Variants in FGD5 observed in about 807,000 individuals in gnomAD.
The protein encoded by FGD5 is FYVE, RhoGEF and PH domain-containing protein 5.
FGD5 carries 28 observed loss-of-function variants against 133.4 expected under a neutral mutation model. That is an observed-to-expected ratio of 0.21 (90% CI 0.16 to 0.29). FGD5 has a LOEUF of 0.29. Among genes scored for constraint, FGD5 ranks in the 10% least tolerant of loss-of-function variants. FGD5 has a pLI of 1.00. For missense variants in FGD5, 1,858 were observed against 1,895.2 expected, an observed-to-expected ratio of 0.98 and a Z score of 0.36; for synonymous variants, 810 against 776.5, an observed-to-expected ratio of 1.04 and a Z score of -0.72.
At chr3:14,847,862 C>T (rs375915492) in intron 1 of FGD5, among the ~76,000 whole-genome samples, 1 of 152,168 alleles carries the variant, frequency 6.6e-6, no homozygotes, top group Non-Finnish European at 1.5e-5. Flanking sequence ...TGCTGTGTAG[C>T]CCAGGACAGA....
At chr3:14,912,894 G>T (rs143582126) in intron 11 of FGD5, among the ~76,000 whole-genome samples, 1 of 152,162 alleles carries the variant, frequency 6.6e-6, no homozygotes, top group Non-Finnish European at 1.5e-5. Context: ...AAATGAGCCA[G>T]GCATGGTGGC....
At chr3:14,881,249 G>A (rs1280894194) in intron 4 of FGD5, among the ~76,000 whole-genome samples, 1 of 152,106 alleles carries the variant, frequency 6.6e-6, no homozygotes, top group Non-Finnish European at 1.5e-5. Flanking sequence ...AGCTGGTGGT[G>A]AGGGGCTCCT....
rs1424052302 is a variant in FGD5, at chr3:14,882,377, G to A, written c.2748+1605G>A. 1.5e-5 allele frequency: 15 copies of A among 984,014 alleles called. No homozygotes were observed. The Admixed American group carries it at 2.5e-4, about 16-fold the overall frequency. 61.0% of individuals were successfully genotyped at this position (984,014 alleles called of 1,614,324 possible). Reference sequence around the variant, plus strand: ...CTGGTAATCCATAATAAGATCCTGAGGATGGGGTGAAGGGAGAGCCCATAA... The same window carrying A: ...CTGGTAATCCATAATAAGATCCTGAAGATGGGGTGAAGGGAGAGCCCATAA... On this transcript the variant is annotated intron_variant, in intron 4 of 19. Transcript: ENST00000285046.
rs866588807 is a variant in FGD5, at chr3:14,827,293, T to C, written c.2525+5697T>C. On this transcript the variant is annotated intron_variant, in intron 1 of 19. Transcript: ENST00000285046. Reference sequence around the variant, plus strand: ...CATTTCTGGTATTCTTTTTTTTTTTTTTTTTTTTTTTTTGAGACGGAGTCT... The same window carrying C: ...CATTTCTGGTATTCTTTTTTTTTTTCTTTTTTTTTTTTTGAGACGGAGTCT... Among the ~76,000 whole-genome samples the C allele has an allele frequency of 5.6e-3, 828 of 147,690 alleles. 6 individuals are homozygous for C. Among genetic ancestry groups the C allele is most frequent in the African/African-American group, 0.02 (794 of 40,300 alleles).
chr3:14,913,516 AC>A (rs1472031330), intron 11 of FGD5, among the ~76,000 whole-genome samples: 1 of 152,182 alleles, frequency 6.6e-6, no homozygotes, highest in Non-Finnish European at 1.5e-5. Flanking sequence ...TCTGACAGCT[AC>A]TGGTGTGAGA....
At position 14,819,533 on chromosome 3, in the gene FGD5, A is replaced by G. The variant is rs1463956471; in HGVS notation, c.462A>G (p.Pro154=). 1.3e-6 allele frequency: 2 copies of G among 1,551,498 alleles called. No individual in the cohort carries two copies. The highest frequency in any genetic ancestry group is 8.7e-7 in the Non-Finnish European group (1 of 1,146,984). The change falls in exon 1 of 20, where the codon CCA becomes CCG. Residue 154 remains proline, a synonymous_variant. Transcript: ENST00000285046. This position sits in a 1 kb window ranked among gnomAD's most constrained non-coding sequence, Gnocchi z 4.1. The part of the protein sequence containing the change: ...EDEGEGCADE[P]GTLEQVSRSE... The stretch of plus-strand genomic sequence containing the variant: ...AAGGGGAGGGCTGCGCTGATGAGCC[A>G]GGGACACTGGAGCAGGTGTCCAGAA...
intron 1 of FGD5, among the ~76,000 whole-genome samples, chr3:14,832,823 A>G (rs1006098462): frequency 1.3e-5 from 2 of 152,198 alleles, no homozygotes; most frequent in Non-Finnish European, 1.5e-5. Flanking sequence ...CAGCCTACAG[A>G]GACTGTCCAT....
intron 1 of FGD5, among the ~76,000 whole-genome samples, chr3:14,857,143 A>G (rs936591035): frequency 2.7e-5 from 4 of 148,092 alleles, no homozygotes; most frequent in Non-Finnish European, 4.5e-5. Context: ...AATAATGGTT[A>G]GAAATGTCAT....
At chr3:14,872,725 C>G (rs1386208492) in intron 2 of FGD5, among the ~76,000 whole-genome samples, 1 of 152,210 alleles carries the variant, frequency 6.6e-6, no homozygotes, top group Non-Finnish European at 1.5e-5. Flanking sequence ...TGAAGGCACT[C>G]AGTGCACAGC....
chr3:14,908,240 T>G (rs1254005732), intron 10 of FGD5, among the ~76,000 whole-genome samples: 2 of 152,184 alleles, frequency 1.3e-5, no homozygotes, highest in African/African-American at 2.4e-5. Flanking sequence ...TTACTCAAGA[T>G]TAGCAGGTGT....
intron 4 of FGD5, among the ~76,000 whole-genome samples, chr3:14,890,254 G>T (rs2038001595): frequency 1.3e-5 from 2 of 152,162 alleles, no homozygotes; most frequent in Admixed American, 6.5e-5. Context: ...GGCCAAGCCA[G>T]GTCTCCCTTC....
At chr3:14,842,472 A>G (rs1015852757) in intron 1 of FGD5, among the ~76,000 whole-genome samples, 3 of 152,124 alleles carry the variant, frequency 2.0e-5, no homozygotes, top group African/African-American at 7.2e-5. Flanking sequence ...GGCCTCTCAC[A>G]CTGGTCAGGA....
intron 13 of FGD5, among the ~76,000 whole-genome samples, chr3:14,920,636 A>G (rs568830984): frequency 6.6e-6 from 1 of 152,364 alleles, no homozygotes; most frequent in South Asian, 2.1e-4. Context: ...AACTGCTGTA[A>G]CAATTAATAG....
chr3:14,924,706 T>G (rs942764092), intron 17 of FGD5, among the ~76,000 whole-genome samples: 6 of 152,190 alleles, frequency 3.9e-5, no homozygotes, highest in African/African-American at 7.2e-5. Context: ...TAATATCAAG[T>G]AGCAGGTAGC....
At chr3:14,927,906 A>G (rs1365159154) in intron 18 of FGD5, among the ~76,000 whole-genome samples, 1 of 150,338 alleles carries the variant, frequency 6.7e-6, no homozygotes, top group Non-Finnish European at 1.5e-5. Context: ...CTGGGACCAC[A>G]AGTGTGTGAC....
chr3:14,848,053 C>G (rs988122012), intron 1 of FGD5, among the ~76,000 whole-genome samples: 1 of 152,156 alleles, frequency 6.6e-6, no homozygotes, highest in Non-Finnish European at 1.5e-5. Flanking sequence ...GGGTGTGGCC[C>G]CAACACTGCC....
intron 1 of FGD5, among the ~76,000 whole-genome samples, chr3:14,822,903 G>A (rs993761154): frequency 3.6e-4 from 55 of 152,216 alleles, no homozygotes; most frequent in African/African-American, 1.3e-3. Context: ...GAGTAGAGCT[G>A]CTAGGAAGTG....
chr3:14,926,211 T>G lies in FGD5; in HGVS notation c.4197+13T>G. 1 of 1,612,512 alleles carries G rather than the reference T, an allele frequency of 6.2e-7. No homozygotes were observed. The highest frequency in any genetic ancestry group is 8.5e-7 in the Non-Finnish European group (1 of 1,178,968). On this transcript the variant is annotated intron_variant, in intron 18 of 19. Transcript: ENST00000285046. The stretch of plus-strand genomic sequence containing the variant: ...CATGGCCAGTGAGGTAGTAGTGATC[T>G]GCACTCTCTCCCCTCTCCTCTCTCC...
chr3:14,861,170 T>C (rs1166053419), intron 1 of FGD5, among the ~76,000 whole-genome samples: 2 of 151,942 alleles, frequency 1.3e-5, no homozygotes, highest in African/African-American at 4.8e-5. Flanking sequence ...GGGGAGTGGC[T>C]CGGGTTTGGG....
Sources: gnomAD v4.1 joint callset for allele counts (sites outside exome capture counted in the v4.1 genomes callset) on GRCh38, gnomAD v4.1.1 for gene constraint, Gnocchi (gnomAD v3.1) non-coding constraint, MANE v1.5 for transcripts, NCBI Gene and HGNC (gene_info 2026-07-23, HGNC 2026-07-21) for gene names.